Variants in HDC observed in about 807,000 individuals in gnomAD.
HDC encodes histidine decarboxylase.
HDC carries 27 observed loss-of-function variants against 64.4 expected under a neutral mutation model. The observed-to-expected ratio is 0.42, with a 90% confidence interval of 0.31 to 0.58. The LOEUF (loss-of-function observed/expected upper bound fraction) is 0.58, where lower values mean the gene tolerates loss of function less well. Among genes scored for constraint, HDC ranks in the 20% least tolerant of loss-of-function variants. The probability of loss-of-function intolerance (pLI) is 0.16; values close to 1 mark genes in which losing one functional copy is unlikely to be tolerated. For missense variants in HDC, 711 were observed against 833.9 expected (o/e 0.85, Z 1.81); for synonymous variants, 305 against 314.2 (o/e 0.97, Z 0.31).
intron 2 of HDC, among the ~76,000 whole-genome samples, chr15:50,260,632 C>G (rs1424121762): frequency 6.6e-6 from 1 of 152,218 alleles, no homozygotes; most frequent in Non-Finnish European, 1.5e-5. Context: ...ACATCTCCTG[C>G]TCTCCAAGCC....
At chr15:50,260,109 G>A (rs2045683380) in intron 2 of HDC, among the ~76,000 whole-genome samples, 1 of 151,532 alleles carries the variant, frequency 6.6e-6, no homozygotes, top group African/African-American at 2.4e-5. Flanking sequence ...GCAACCCCTG[G>A]CTCCCAGGTT....
In HDC at chr15:50,252,464, C is replaced by T; in HGVS notation, c.1007G>A (p.Arg336Lys). The T allele has an allele frequency of 1.2e-5, 19 of 1,614,202 alleles. No individual in the cohort carries two copies. Among genetic ancestry groups the T allele is most frequent in the Non-Finnish European group, 1.0e-5 (12 of 1,180,040 alleles). Reference sequence around the variant, plus strand: ...GGTGGCCACGCCTGAGTTGGCATGCCTGAGGTAGATGGGATTCACACTGAA... The same window carrying T: ...GGTGGCCACGCCTGAGTTGGCATGCTTGAGGTAGATGGGATTCACACTGAA... ...QTFSVNPIYL[R>K]HANSGVATDF... is the part of the protein sequence containing the mutation. Residue 336 changes from arginine (R) to lysine (K), a missense_variant, in exon 9 of 12, where the codon AGG (arginine) becomes AAG (lysine). Coordinates refer to ENST00000267845, the MANE Select transcript of HDC (RefSeq NM_002112.4).
intron 10 of HDC, among the ~76,000 whole-genome samples, chr15:50,246,956 G>T (rs992942657): frequency 1.3e-5 from 2 of 152,146 alleles, no homozygotes; most frequent in African/African-American, 4.8e-5. Context: ...ATAGGAAACT[G>T]GAGAACATTA....
intron 2 of HDC, among the ~76,000 whole-genome samples, chr15:50,263,033 CA>C (rs958987075): frequency 2.7e-5 from 4 of 150,754 alleles, no homozygotes; most frequent in African/African-American, 9.7e-5. Flanking sequence ...CACAACTGGG[CA>C]AAAAAAAAGA....
chr15:50,252,834 C>T, intron 7 of HDC, 60 bp from the exon 8 acceptor site: 2 of 1,532,342 alleles, frequency 1.3e-6, no homozygotes, highest in Non-Finnish European at 1.8e-6. Context: ...AGATGTCTCG[C>T]ACCTGGCCAA....
In HDC at chr15:50,242,191, G is replaced by A. The variant is rs540165431; in HGVS notation, c.*69C>T. 13 of 1,272,992 alleles carry A rather than the reference G, an allele frequency of 1.0e-5. No homozygotes were observed. The East Asian group carries it at 2.8e-4, about 27-fold the overall frequency. The allele number at this position is 1,272,992 out of a possible 1,614,324, so 78.9% of individuals were successfully genotyped here. A position where few individuals can be genotyped will look rare whatever the true frequency, so the allele number is the denominator to read the frequency against. On this transcript the variant is annotated 3_prime_UTR_variant, in exon 12 of 12. Coordinates refer to ENST00000267845, the MANE Select transcript of HDC (RefSeq NM_002112.4). ...ATGTACACATAAGCACACAAAGTTG[G>A]CATACAATTGTGAGGGGTTCACAGA... is the stretch of plus-strand genomic sequence containing the variant.
intron 10 of HDC, among the ~76,000 whole-genome samples, chr15:50,246,684 G>A (rs866825538): frequency 6.6e-6 from 1 of 152,176 alleles, no homozygotes; most frequent in African/African-American, 2.4e-5. Context: ...TCAGGGGTTT[G>A]ATTTGCAAAC....
rs1377227998 is a variant in HDC, at chr15:50,253,849, A to G, written c.721-183T>C. On this transcript the variant is annotated intron_variant, in intron 6 of 11. Coordinates refer to ENST00000267845, the MANE Select transcript of HDC (RefSeq NM_002112.4). ...TTTTATATAACAATCTAGTACATGT[A>G]TACGTGTGTATTTGAAAAAAAAGTT... The G allele has an allele frequency of 3.2e-5, 21 of 658,970 alleles. No individual in the cohort carries two copies. In the Admixed American group the frequency reaches 5.1e-4, roughly 16 times the overall value. 40.8% of individuals were successfully genotyped at this position (658,970 alleles called of 1,614,324 possible).
intron 2 of HDC, among the ~76,000 whole-genome samples, chr15:50,262,044 T>C (rs2045711298): frequency 6.6e-6 from 1 of 152,014 alleles, no homozygotes; most frequent in African/African-American, 2.4e-5. Context: ...TCTTTGGGAA[T>C]GATGAAGGCA....
chr15:50,254,699 T>C (rs773952140), intron 4 of HDC, 35 bp from the exon 5 acceptor site: 7 of 1,612,642 alleles, frequency 4.3e-6, no homozygotes, highest in African/African-American at 4.0e-5. Context: ...GCAGCCTTTC[T>C]GTATTCTCTT....
Position 50,242,734 on chromosome 15 carries a change from GGA to G in HDC, c.1513_1514del (p.Ser505ProfsTer10). ...RGARAWACGT[S>X]LQSVSGAGDD... ...CTCCTGCCCCACTGACAGACTGAAG[GGA>G]CGTTCCACAGGCCCAGGCTCTGGCA... is the stretch of plus-strand genomic sequence containing the variant. On this transcript the variant is annotated frameshift_variant, in exon 12 of 12. Coordinates refer to ENST00000267845, the MANE Select transcript of HDC (RefSeq NM_002112.4). LOFTEE classifies it high-confidence loss of function. 1 of 1,614,048 alleles carries G rather than the reference GGA, an allele frequency of 6.2e-7. No homozygotes were observed. Among genetic ancestry groups the G allele is most frequent in the Non-Finnish European group, 8.5e-7 (1 of 1,180,044 alleles).
Position 50,243,168 on chromosome 15 carries a change from AG to A in HDC, c.1216del (p.Gly407AlafsTer7). 6.2e-7 allele frequency: 1 copy of A among 1,614,008 alleles called. No individual in the cohort carries two copies. Among genetic ancestry groups the A allele is most frequent in the Non-Finnish European group, 8.5e-7 (1 of 1,179,858 alleles). ...CTTTAGACGAAAAACCACCAGGCCA[AG>A]GTGCCTCTTGGCAGGAATTTCAAAG... is the stretch of plus-strand genomic sequence containing the variant. Reference protein sequence around the residue: ...PSFEIPAKRHLGLVVFRLKGP... With the variant: ...PSFEIPAKRHXGLVVFRLKGP... On this transcript the variant is annotated frameshift_variant, in exon 11 of 12. Transcript: ENST00000267845. LOFTEE classifies it high-confidence loss of function.
chr15:50,243,292 G>C (rs1469060405), intron 10 of HDC, 48 bp from the exon 11 acceptor site: 1 of 1,236,478 alleles, frequency 8.1e-7, no homozygotes, highest in Non-Finnish European at 1.2e-6. Flanking sequence ...TCAGACAAGA[G>C]ACTATGCATA....
At chr15:50,257,842 C>T (rs2045652533) in intron 3 of HDC, among the ~76,000 whole-genome samples, 1 of 152,148 alleles carries the variant, frequency 6.6e-6, no homozygotes, top group African/African-American at 2.4e-5. Context: ...AAATACATAG[C>T]TGAGAAGTCC....
chr15:50,256,787 ATACAT>A (rs1205868462), intron 4 of HDC, among the ~76,000 whole-genome samples: 12 of 152,342 alleles, frequency 7.9e-5, no homozygotes, highest in African/African-American at 2.9e-4. Context: ...ACCAGGAAAC[ATACAT>A]TAAAGTAGAA....
chr15:50,256,094 T>C (rs1215796581), intron 4 of HDC, among the ~76,000 whole-genome samples: 2 of 152,228 alleles, frequency 1.3e-5, no homozygotes, highest in African/African-American at 4.8e-5. Flanking sequence ...CTCTCTGAAC[T>C]TCAGTGCTCT....
At chr15:50,257,370 C>A in intron 4 of HDC, 55 bp downstream of exon 4, 1 of 1,612,864 alleles carries the variant, frequency 6.2e-7, no homozygotes, top group African/African-American at 1.3e-5. Context: ...TAGGGTTTGG[C>A]TTGTCTTTCG....
At chr15:50,245,090 C>G (rs990968170) in intron 10 of HDC, among the ~76,000 whole-genome samples, 6 of 152,182 alleles carry the variant, frequency 3.9e-5, no homozygotes, top group African/African-American at 1.4e-4. Context: ...GAATACAGAG[C>G]ACAGGCAGCA....
Position 50,254,681 on chromosome 15 carries a change from T to C in HDC, c.442-17A>G. 2 of 1,613,536 alleles carry C rather than the reference T, an allele frequency of 1.2e-6. No homozygotes were observed. The highest frequency in any genetic ancestry group is 1.7e-6 in the Non-Finnish European group (2 of 1,179,782). ...GACCGTGCTCTGCAGGGGAAAAGGA[T>C]TATCATGGCAGCCTTTCTGTATTCT... On this transcript the variant is annotated splice_polypyrimidine_tract_variant and intron_variant, in intron 4 of 11. Coordinates refer to ENST00000267845, the MANE Select transcript of HDC (RefSeq NM_002112.4).
Sources: gnomAD v4.1 joint callset for allele counts (sites outside exome capture counted in the v4.1 genomes callset) on GRCh38, gnomAD v4.1.1 for gene constraint, MANE v1.5 for transcripts, NCBI Gene and HGNC (gene_info 2026-07-23, HGNC 2026-07-21) for gene names.